Variants in PIK3CD observed in about 807,000 individuals in gnomAD.
PIK3CD encodes phosphatidylinositol 4,5-bisphosphate 3-kinase catalytic subunit delta isoform.
PIK3CD carries 20 observed loss-of-function variants against 122.9 expected under a neutral mutation model. The ratio of observed to expected loss-of-function variants is 0.16; its 90% confidence interval spans 0.11 to 0.24. The LOEUF (loss-of-function observed/expected upper bound fraction) is 0.24, where lower values mean the gene tolerates loss of function less well. Among genes scored for constraint, PIK3CD ranks in the 10% least tolerant of loss-of-function variants. PIK3CD has a pLI of 1.00. For missense variants in PIK3CD, 787 were observed against 1,406.3 expected, an observed-to-expected ratio of 0.56 and a Z score of 7.04; for synonymous variants, 596 against 593.4, an observed-to-expected ratio of 1.00 and a Z score of -0.06.
chr1:9,703,066 T>C (rs1165517779), intron 2 of PIK3CD, among the ~76,000 whole-genome samples: 1 of 152,166 alleles, frequency 6.6e-6, no homozygotes, highest in African/African-American at 2.4e-5. Context: ...AGCCCCACTT[T>C]CCTCTGTGTT....
In PIK3CD at chr1:9,715,774, C is replaced by T; in HGVS notation, c.370+5C>T. 2 of 1,613,026 alleles carry T rather than the reference C, an allele frequency of 1.2e-6. No individual in the cohort carries two copies. Among genetic ancestry groups the T allele is most frequent in the Non-Finnish European group, 1.7e-6 (2 of 1,179,918 alleles). ...TCAGCCTCCTCATCGGCAAAGGTAG[C>T]TCTGCCGAGTGGGCCGTGTGGCCGG... On this transcript the variant is annotated splice_donor_5th_base_variant and intron_variant, in intron 4 of 23. Coordinates refer to ENST00000377346, the MANE Select transcript of PIK3CD (RefSeq NM_005026.5). This position sits in a 1 kb window ranked among gnomAD's most constrained non-coding sequence, Gnocchi z 4.1.
intron 3 of PIK3CD, among the ~76,000 whole-genome samples, chr1:9,714,195 T>C (rs1647172975): frequency 6.6e-6 from 1 of 152,166 alleles, no homozygotes; most frequent in Non-Finnish European, 1.5e-5. Flanking sequence ...TTTACAGAGC[T>C]GTGCATGTGG....
At chr1:9,686,370 T>C (rs953239236) in intron 1 of PIK3CD, among the ~76,000 whole-genome samples, 4 of 151,846 alleles carry the variant, frequency 2.6e-5, no homozygotes, top group African/African-American at 4.8e-5. Context: ...ATTTTCTTTT[T>C]TTTTTTTTTT....
In PIK3CD at chr1:9,700,219, C is replaced by A. The variant is rs886310567; in HGVS notation, c.-33+8648C>A. 6.6e-5 allele frequency among the ~76,000 whole-genome samples: 10 copies of A among 150,936 alleles called. 1 individual carries two copies. Among genetic ancestry groups the A allele is most frequent in the African/African-American group, 2.2e-4 (9 of 40,994 alleles). On this transcript the variant is annotated intron_variant, in intron 2 of 23. Transcript: ENST00000377346. The surrounding 1 kb of genome is among the most constrained non-coding windows in gnomAD (Gnocchi z 5.1). The stretch of plus-strand genomic sequence containing the variant: ...GATCTCGGCTCATTGCAGCCTCCCC[C>A]TCGCAGGTTCAAGTGATTCTCGTGG...
intron 2 of PIK3CD, 97 bp downstream of exon 2, chr1:9,691,668 T>C: frequency 2.5e-6 from 1 of 395,680 alleles, no homozygotes. Flanking sequence ...CCTCCCCGAC[T>C]CTCCAGCCAA....
intron 2 of PIK3CD, among the ~76,000 whole-genome samples, chr1:9,692,736 AT>A: frequency 6.6e-6 from 1 of 152,290 alleles, no homozygotes; most frequent in East Asian, 1.9e-4. Flanking sequence ...TCTCAAAAAA[AT>A]AAATAAATAA....
chr1:9,703,972 C>T (rs1029210424), intron 2 of PIK3CD, among the ~76,000 whole-genome samples: 9 of 152,174 alleles, frequency 5.9e-5, no homozygotes, highest in Non-Finnish European at 7.3e-5. Context: ...TACTGGTTTG[C>T]GTTCTTGGGG....
At chr1:9,657,441 C>G (rs1644890238) in intron 1 of PIK3CD, among the ~76,000 whole-genome samples, 2 of 152,088 alleles carry the variant, frequency 1.3e-5, no homozygotes, top group African/African-American at 4.8e-5. Flanking sequence ...TGTTCTGCCA[C>G]TTTCCCCTGG....
chr1:9,647,119 A>G (rs1644616363), upstream of PIK3CD, among the ~76,000 whole-genome samples: 1 of 151,996 alleles, frequency 6.6e-6, no homozygotes, highest in South Asian at 2.1e-4. Flanking sequence ...CTAAAAAAAA[A>G]AAAGTCAAGA....
At chr1:9,702,338 T>G in intron 2 of PIK3CD, among the ~76,000 whole-genome samples, 1 of 151,448 alleles carries the variant, frequency 6.6e-6, no homozygotes, top group East Asian at 1.9e-4. Context: ...AGGGAGAACA[T>G]TGAGTGGTTT....
chr1:9,633,151 G>A, the PIK3CD span, among the ~76,000 whole-genome samples: 76 of 152,100 alleles, frequency 5.0e-4, no homozygotes, highest in Middle Eastern at 3.4e-3. Flanking sequence ...GTGAGCCACC[G>A]TGCCTGATCA....
intron 23 of PIK3CD, among the ~76,000 whole-genome samples, chr1:9,725,989 A>G (rs1649500853): frequency 6.6e-6 from 1 of 152,148 alleles, no homozygotes; most frequent in Admixed American, 6.6e-5. Context: ...AGGCAGGTGG[A>G]TCACCTGAGG....
rs1644712822 is a variant in PIK3CD, at chr1:9,652,629, C to T, written c.-138+827C>T. 6.6e-6 allele frequency: 1 copy of T among 152,256 alleles called. No individual in the cohort carries two copies. Among genetic ancestry groups the T allele is most frequent in the Non-Finnish European group, 1.5e-5 (1 of 68,048 alleles). The allele number at this position is 152,256 out of a possible 1,614,324, so 9.4% of individuals were successfully genotyped here. Reference sequence around the variant, plus strand: ...CCTGAATGAGGCTTTTTAAAAAAATCGAGTTTCCTGTTTTTATTTAGGCTT... The same window carrying T: ...CCTGAATGAGGCTTTTTAAAAAAATTGAGTTTCCTGTTTTTATTTAGGCTT... On this transcript the variant is annotated intron_variant, in intron 1 of 23. Coordinates refer to ENST00000377346, the MANE Select transcript of PIK3CD (RefSeq NM_005026.5). This position sits in a 1 kb window ranked among gnomAD's most constrained non-coding sequence, Gnocchi z 6.2.
chr1:9,676,333 C>A (rs1363471314), intron 1 of PIK3CD, among the ~76,000 whole-genome samples: 1 of 152,212 alleles, frequency 6.6e-6, no homozygotes, highest in African/African-American at 2.4e-5. Flanking sequence ...CCTCAGCCCC[C>A]CATAGTGCGT....
the PIK3CD span, among the ~76,000 whole-genome samples, chr1:9,628,926 C>G: frequency 6.6e-6 from 1 of 152,152 alleles, no homozygotes; most frequent in East Asian, 1.9e-4. Flanking sequence ...GCGGTGGGAA[C>G]TCCATGGGAA....
intron 1 of PIK3CD, among the ~76,000 whole-genome samples, chr1:9,658,578 G>A (rs1644927514): frequency 7.5e-6 from 1 of 134,014 alleles, no homozygotes; most frequent in South Asian, 2.4e-4. Flanking sequence ...CACCCAGGCT[G>A]GAGTGCAGTG....
rs964700921 is a variant in PIK3CD, at chr1:9,652,506, G to A, written c.-138+704G>A. 6.6e-6 allele frequency: 1 copy of A among 152,268 alleles called. No individual in the cohort carries two copies. Among genetic ancestry groups the A allele is most frequent in the South Asian group, 2.1e-4 (1 of 4,836 alleles). 9.4% of individuals were successfully genotyped at this position (152,268 alleles called of 1,614,324 possible). A position where few individuals can be genotyped will look rare whatever the true frequency, so the allele number is the denominator to read the frequency against. On this transcript the variant is annotated intron_variant, in intron 1 of 23. Coordinates refer to ENST00000377346, the MANE Select transcript of PIK3CD (RefSeq NM_005026.5). The surrounding 1 kb of genome is among the most constrained non-coding windows in gnomAD (Gnocchi z 6.2). ...TGCTGCAGCGGCGCAGGCGAGATCA[G>A]CTCCGGATCTGCGGCCGAGCCGGGG...
rs934748390 is a variant in PIK3CD at position 9,720,925 on chromosome 1, C to T, written c.1689+16C>T. The T allele has an allele frequency of 6.4e-7, 1 of 1,569,014 alleles. No individual in the cohort carries two copies. The highest frequency in any genetic ancestry group is 8.6e-7 in the Non-Finnish European group (1 of 1,157,692). On this transcript the variant is annotated intron_variant, in intron 13 of 23. Transcript: ENST00000377346. This position sits in a 1 kb window ranked among gnomAD's most constrained non-coding sequence, Gnocchi z 9.0. ...TGTGGCCCAGGTGGGTGGGGAGGCG[C>T]ACCTGGGGGCGGAGCTGGGGGCAGA...
chr1:9,670,975 C>T (rs1645304303), intron 1 of PIK3CD, among the ~76,000 whole-genome samples: 2 of 152,046 alleles, frequency 1.3e-5, no homozygotes, highest in Non-Finnish European at 2.9e-5. Context: ...CCAGGCTGGT[C>T]TCAAACTTCT....
Sources: allele counts gnomAD v4.1 joint callset (sites outside exome capture counted in the v4.1 genomes callset), GRCh38; gene constraint gnomAD v4.1.1; non-coding constraint Gnocchi (gnomAD v3.1); transcripts MANE v1.5; gene names NCBI Gene and HGNC (gene_info 2026-07-23, HGNC 2026-07-21).